Variants in HMGCLL1 observed in about 807,000 individuals in gnomAD.
HMGCLL1 encodes 3-hydroxy-3-methylglutaryl-CoA lyase like 1, also known as 3-hydroxymethyl-3-methylglutaryl-CoA lyase, cytoplasmic.
Under a neutral mutation model 39.1 loss-of-function variants are expected in HMGCLL1, and 36 were observed. That is an observed-to-expected ratio of 0.92 (90% CI 0.71 to 1.22). The LOEUF is 1.22. Ranked by LOEUF, HMGCLL1 falls within the 50% of genes most tolerant of loss-of-function variation. The pLI is 0.00. For synonymous variants in HMGCLL1, 149 were observed against 144.0 expected (o/e 1.03, Z -0.25); for missense variants, 451 against 416.5 (o/e 1.08, Z -0.72).
rs62417205 is a variant in HMGCLL1 at position 55,449,250 on chromosome 6, G to A, written c.796-9691C>T. 6.1e-3 allele frequency among the ~76,000 whole-genome samples: 922 copies of A among 152,288 alleles called. 6 individuals carry two copies. The highest frequency in any genetic ancestry group is 7.5e-3 in the Non-Finnish European group (509 of 68,026). On this transcript the variant is annotated intron_variant, in intron 7 of 8. Transcript: ENST00000274901. The stretch of plus-strand genomic sequence containing the variant: ...CCAAGCTGCCCTGTACTTAGGTATG[G>A]ATATGTGACTACAGTCTAGCCAATG...
chr6:55,465,165 C>T (rs4510679), intron 7 of HMGCLL1, among the ~76,000 whole-genome samples: 83,166 of 151,820 alleles, frequency 0.55, 23,945 homozygotes, highest in African/African-American at 0.74. Context: ...CCTGGTTTCT[C>T]CTAGTACTTT....
chr6:55,656,323 C>G, the HMGCLL1 span, among the ~76,000 whole-genome samples: 398 of 152,028 alleles, frequency 2.6e-3, 2 homozygotes, highest in African/African-American at 8.9e-3. Flanking sequence ...AGACTGCACT[C>G]TAAGAATTAT....
At chr6:55,567,825 C>T (rs900707665) in intron 1 of HMGCLL1, among the ~76,000 whole-genome samples, 4 of 152,142 alleles carry the variant, frequency 2.6e-5, no homozygotes, top group African/African-American at 9.7e-5. Flanking sequence ...AGTGCCAGAA[C>T]CCAGCTCTTC....
At chr6:55,581,080 A>G (rs1047425501), upstream of HMGCLL1, among the ~76,000 whole-genome samples, 1 of 152,194 alleles carries the variant, frequency 6.6e-6, no homozygotes, top group African/African-American at 2.4e-5. Flanking sequence ...ATCATTCTAA[A>G]CCTCAAAAAG....
At chr6:55,605,203 G>T in the HMGCLL1 span, among the ~76,000 whole-genome samples, 1 of 152,100 alleles carries the variant, frequency 6.6e-6, no homozygotes, top group Non-Finnish European at 1.5e-5. Flanking sequence ...AAAAACACTG[G>T]TCATTCCATT....
At chr6:55,497,398 T>C (rs912584319) in intron 6 of HMGCLL1, among the ~76,000 whole-genome samples, 1 of 152,256 alleles carries the variant, frequency 6.6e-6, no homozygotes, top group African/African-American at 2.4e-5. Context: ...ATAAAAGCCA[T>C]TTGACACACA....
chr6:55,574,343 A>T (rs144847402), intron 1 of HMGCLL1, among the ~76,000 whole-genome samples: 58 of 152,060 alleles, frequency 3.8e-4, no homozygotes, highest in African/African-American at 1.3e-3. Flanking sequence ...TATGTATTGT[A>T]AATACACCAT....
At chr6:55,663,901 T>C in the HMGCLL1 span, among the ~76,000 whole-genome samples, 2 of 151,898 alleles carry the variant, frequency 1.3e-5, no homozygotes, top group African/African-American at 4.8e-5. Flanking sequence ...TCTTGTTGAA[T>C]TGAACCCTTT....
At chr6:55,586,130 G>C in the HMGCLL1 span, among the ~76,000 whole-genome samples, 1 of 152,088 alleles carries the variant, frequency 6.6e-6, no homozygotes, top group Non-Finnish European at 1.5e-5. Flanking sequence ...ATTTAATAGG[G>C]AAATATAATG....
At chr6:55,627,384 G>C in the HMGCLL1 span, among the ~76,000 whole-genome samples, 2 of 151,980 alleles carry the variant, frequency 1.3e-5, no homozygotes, top group Non-Finnish European at 2.9e-5. Context: ...ACTTCTGGTT[G>C]TACGGAGGAT....
At chr6:55,442,147 G>T (rs1763625923) in intron 7 of HMGCLL1, among the ~76,000 whole-genome samples, 2 of 152,030 alleles carry the variant, frequency 1.3e-5, no homozygotes, top group African/African-American at 4.8e-5. Flanking sequence ...TCTGGCTGAG[G>T]TGGTGTCTGC....
At chr6:55,629,784 A>G in the HMGCLL1 span, among the ~76,000 whole-genome samples, 1 of 152,176 alleles carries the variant, frequency 6.6e-6, no homozygotes, top group African/African-American at 2.4e-5. Context: ...CAGAGGATCC[A>G]AGCCTCAAGC....
intron 1 of HMGCLL1, among the ~76,000 whole-genome samples, chr6:55,551,142 T>C (rs1292191296): frequency 1.3e-5 from 2 of 151,850 alleles, no homozygotes; most frequent in Non-Finnish European, 1.5e-5. Flanking sequence ...GTAATTCATA[T>C]AATCTTTCCC....
intron 3 of HMGCLL1, among the ~76,000 whole-genome samples, chr6:55,538,512 C>T (rs974439135): frequency 1.3e-5 from 2 of 152,102 alleles, no homozygotes; most frequent in African/African-American, 4.8e-5. Context: ...TAGCATTTTA[C>T]AAATTGACAA....
At chr6:55,567,851 G>GA (rs1771290370) in intron 1 of HMGCLL1, among the ~76,000 whole-genome samples, 1 of 152,044 alleles carries the variant, frequency 6.6e-6, no homozygotes, top group Non-Finnish European at 1.5e-5. Flanking sequence ...TCTCAACCAG[G>GA]AAAGTAAACC....
chr6:55,615,780 C>A, the HMGCLL1 span, among the ~76,000 whole-genome samples: 1 of 152,118 alleles, frequency 6.6e-6, no homozygotes, highest in African/African-American at 2.4e-5. Flanking sequence ...GAGACAACTT[C>A]CTCTCTACCA....
At chr6:55,666,332 C>T in the HMGCLL1 span, among the ~76,000 whole-genome samples, 1 of 151,692 alleles carries the variant, frequency 6.6e-6, no homozygotes, top group Non-Finnish European at 1.5e-5. Flanking sequence ...AATCAGTTAA[C>T]CCTCTTCAAG....
chr6:55,521,646 G>T (rs1315406215), intron 3 of HMGCLL1, among the ~76,000 whole-genome samples: 2 of 151,870 alleles, frequency 1.3e-5, no homozygotes, highest in Non-Finnish European at 2.9e-5. Context: ...ATATAAGATG[G>T]CAAATTTAAT....
Position 55,475,326 on chromosome 6 carries a change from A to T in HMGCLL1, c.795+20093T>A, listed in dbSNP as rs752180773. ...CTTTTAGATCCTGATAGAAGGTAAGACTCACAAAATTAGCGACCCCCTTAA... is the reference window on the plus strand; with the variant it reads ...CTTTTAGATCCTGATAGAAGGTAAGTCTCACAAAATTAGCGACCCCCTTAA... On this transcript the variant is annotated intron_variant, in intron 7 of 8. Coordinates refer to ENST00000274901, the MANE Select transcript of HMGCLL1 (RefSeq NM_001042406.2). Among the ~76,000 whole-genome samples the T allele has an allele frequency of 2.6e-5, 4 of 151,664 alleles. No individual in the cohort carries two copies. In the South Asian group the frequency reaches 8.3e-4, roughly 31 times the overall value.
Sources: allele counts gnomAD v4.1 joint callset (sites outside exome capture counted in the v4.1 genomes callset), GRCh38; gene constraint gnomAD v4.1.1; transcripts MANE v1.5; gene names NCBI Gene and HGNC (gene_info 2026-07-23, HGNC 2026-07-21).